The following CYSTM1 variants were observed in gnomAD, a reference collection of about 807,000 sequenced individuals.
The protein encoded by CYSTM1 is cysteine rich transmembrane module containing 1.
Under a neutral mutation model 13.1 loss-of-function variants are expected in CYSTM1, and 4 were observed. That is an observed-to-expected ratio of 0.31 (90% CI 0.15 to 0.70). The LOEUF is 0.70. Ranked by LOEUF, CYSTM1 falls within the 30% of genes least tolerant of loss-of-function variation. The pLI, the probability that CYSTM1 is intolerant of heterozygous loss-of-function variation, is 0.72. For synonymous variants in CYSTM1, 36 were observed against 42.7 expected (o/e 0.84, Z 0.62); for missense variants, 96 against 121.6 (o/e 0.79, Z 0.99).
intron 2 of CYSTM1, among the ~76,000 whole-genome samples, 161 bp downstream of exon 2, chr5:140,194,813 G>T (rs575834236): frequency 6.6e-6 from 1 of 152,350 alleles, no homozygotes; most frequent in African/African-American, 2.4e-5. Context: ...CTCCTGAGAA[G>T]AGGCCCAAGT....
In CYSTM1 at chr5:140,216,483, C is replaced by T. The variant is rs556472832; in HGVS notation, c.187+21831C>T. Among the ~76,000 whole-genome samples, 3 of 152,238 alleles carry T rather than the reference C, an allele frequency of 2.0e-5. No homozygotes were observed. The East Asian group carries it at 5.8e-4, about 29-fold the overall frequency. On this transcript the variant is annotated intron_variant, in intron 2 of 2. Coordinates refer to ENST00000261811, the MANE Select transcript of CYSTM1 (RefSeq NM_032412.4). The stretch of plus-strand genomic sequence containing the variant: ...GGCAGTTTGGCAGGGGATGGGGGTC[C>T]GTGGAGACAGACCCATTGAGCAGAT...
rs1477220543 is a variant in CYSTM1, at chr5:140,230,468, G to A, written c.188-12837G>A. On this transcript the variant is annotated intron_variant, in intron 2 of 2. Transcript: ENST00000261811. This position sits in a 1 kb window ranked among gnomAD's most constrained non-coding sequence, Gnocchi z 4.1. ...GTGGATTCCAGGATGAGAGATGGTTGATGGAAGGAAAGAAGAGGTTTGGAA... is the reference window on the plus strand; with the variant it reads ...GTGGATTCCAGGATGAGAGATGGTTAATGGAAGGAAAGAAGAGGTTTGGAA... Among the ~76,000 whole-genome samples, 1 of 152,224 alleles carries A rather than the reference G, an allele frequency of 6.6e-6. No homozygotes were observed. The highest frequency in any genetic ancestry group is 1.5e-5 in the Non-Finnish European group (1 of 68,038).
chr5:140,190,248 C>T (rs973871000), intron 1 of CYSTM1, among the ~76,000 whole-genome samples: 1 of 151,986 alleles, frequency 6.6e-6, no homozygotes, highest in Non-Finnish European at 1.5e-5. Flanking sequence ...GCAAAAAAAA[C>T]CCTTATTTTT....
chr5:140,195,541 A>G lies in CYSTM1; in HGVS notation c.187+889A>G, dbSNP rs1033193605. ...ACTGCAAGCTCCGCCTCCTGGGTTC[A>G]CGCCGTTCTCCTGCCTCAGCCTCCT... On this transcript the variant is annotated intron_variant, in intron 2 of 2. Coordinates refer to ENST00000261811, the MANE Select transcript of CYSTM1 (RefSeq NM_032412.4). Among the ~76,000 whole-genome samples, 29 of 146,806 alleles carry G rather than the reference A, an allele frequency of 2.0e-4. 1 individual carries two copies. In the Admixed American group the frequency reaches 2.0e-3, roughly 10 times the overall value.
intron 2 of CYSTM1, among the ~76,000 whole-genome samples, chr5:140,235,605 C>T (rs1278456271): frequency 1.3e-5 from 2 of 151,918 alleles, no homozygotes; most frequent in Admixed American, 6.6e-5. Flanking sequence ...CGAGGCTTCA[C>T]GGTGTTAGCC....
At position 140,230,553 on chromosome 5, in the gene CYSTM1, C is replaced by T. The variant is rs1001624155; in HGVS notation, c.188-12752C>T. On this transcript the variant is annotated intron_variant, in intron 2 of 2. Transcript: ENST00000261811. The surrounding 1 kb of genome is among the most constrained non-coding windows in gnomAD (Gnocchi z 4.1). ...ACCTCTTGGATCCCATGTGCAAATT[C>T]AGGGGAGGGGTTAGCATGAAACATG... is the stretch of plus-strand genomic sequence containing the variant. 1.3e-5 allele frequency among the ~76,000 whole-genome samples: 2 copies of T among 152,156 alleles called. No homozygotes were observed. The highest frequency in any genetic ancestry group is 2.9e-5 in the Non-Finnish European group (2 of 68,028).
intron 1 of CYSTM1, among the ~76,000 whole-genome samples, chr5:140,183,577 A>C (rs1031421325): frequency 1.3e-5 from 2 of 152,238 alleles, no homozygotes; most frequent in African/African-American, 4.8e-5. Context: ...TACTGACCAG[A>C]GTCCCTGAAC....
chr5:140,210,657 A>G (rs1290276373), intron 2 of CYSTM1, among the ~76,000 whole-genome samples: 2 of 152,014 alleles, frequency 1.3e-5, no homozygotes, highest in African/African-American at 4.8e-5. Flanking sequence ...GACCACAGGT[A>G]TGCACCACGA....
chr5:140,182,321 G>A (rs34386219), intron 1 of CYSTM1, among the ~76,000 whole-genome samples: 35,079 of 151,938 alleles, frequency 0.23, 4,086 homozygotes, highest in African/African-American at 0.25. Flanking sequence ...CTTCAGAGAG[G>A]GCCCCTTCAA....
intron 2 of CYSTM1, among the ~76,000 whole-genome samples, chr5:140,233,716 G>A (rs912206957): frequency 6.6e-6 from 1 of 152,132 alleles, no homozygotes; most frequent in Non-Finnish European, 1.5e-5. Flanking sequence ...TTTAATTTGT[G>A]TTTTCCTAAT....
intron 2 of CYSTM1, among the ~76,000 whole-genome samples, chr5:140,232,587 TAC>T (rs1764630000): frequency 6.6e-6 from 1 of 152,214 alleles, no homozygotes; most frequent in Non-Finnish European, 1.5e-5. Context: ...CAAAAGTGTC[TAC>T]ACTGTTTTCA....
chr5:140,202,713 A>G (rs1764247750), intron 2 of CYSTM1: 1 of 152,238 alleles, frequency 6.6e-6, no homozygotes, highest in South Asian at 2.1e-4. Flanking sequence ...CAGAGAAAGA[A>G]GCCATTTGGT....
At chr5:140,183,698 G>A (rs1476427918) in intron 1 of CYSTM1, among the ~76,000 whole-genome samples, 1 of 152,238 alleles carries the variant, frequency 6.6e-6, no homozygotes, top group East Asian at 1.9e-4. Flanking sequence ...CATTAGACAA[G>A]GGGCTGAGGC....
chr5:140,183,881 A>T (rs1561808092), intron 1 of CYSTM1, among the ~76,000 whole-genome samples: 1 of 152,218 alleles, frequency 6.6e-6, no homozygotes, highest in Non-Finnish European at 1.5e-5. Flanking sequence ...CCTGCCCTGA[A>T]GCTAGGTTTT....
At chr5:140,218,920 C>A (rs1458827102) in intron 2 of CYSTM1, among the ~76,000 whole-genome samples, 2 of 152,134 alleles carry the variant, frequency 1.3e-5, no homozygotes, top group African/African-American at 2.4e-5. Flanking sequence ...TTGGAGGGTC[C>A]CTACATACCT....
In CYSTM1 at chr5:140,194,601, T is replaced by G. The variant is rs1255969389; in HGVS notation, c.136T>G (p.Tyr46Asp). 4 of 1,613,436 alleles carry G rather than the reference T, an allele frequency of 2.5e-6. No individual in the cohort carries two copies. The highest frequency in any genetic ancestry group is 3.4e-6 in the Non-Finnish European group (4 of 1,179,708). ...PPPQGYPYQGYPQYGWQGGPQ... is the reference protein window; with the variant it reads ...PPPQGYPYQGDPQYGWQGGPQ... ...TCCTCAAGGGTACCCCTACCAAGGA[T>G]ACCCACAGTACGGCTGGCAGGGTGG... is the stretch of plus-strand genomic sequence containing the variant. The change falls in exon 2 of 3, where the codon TAC becomes GAC. Residue 46 changes from tyrosine (Y) to aspartate (D), a missense_variant. Tyr to Asp is a radical substitution (Grantham distance 160). Coordinates refer to ENST00000261811, the MANE Select transcript of CYSTM1 (RefSeq NM_032412.4).
At chr5:140,204,146 C>G (rs1330158066) in intron 2 of CYSTM1, among the ~76,000 whole-genome samples, 1 of 152,060 alleles carries the variant, frequency 6.6e-6, no homozygotes, top group Non-Finnish European at 1.5e-5. Flanking sequence ...ACAGGAGCAT[C>G]GCTTGAGGCC....
At chr5:140,233,407 A>G (rs878954139) in intron 2 of CYSTM1, among the ~76,000 whole-genome samples, 2 of 152,184 alleles carry the variant, frequency 1.3e-5, no homozygotes, top group Admixed American at 1.3e-4. Context: ...TTGAAGGACC[A>G]TTTGGGTTGT....
At position 140,239,889 on chromosome 5, in the gene CYSTM1, C is replaced by A. The variant is rs1441261566; in HGVS notation, c.188-3416C>A. Among the ~76,000 whole-genome samples, 5 of 152,200 alleles carry A rather than the reference C, an allele frequency of 3.3e-5. No homozygotes were observed. Among genetic ancestry groups the A allele is most frequent in the African/African-American group, 9.6e-5 (4 of 41,460 alleles). On this transcript the variant is annotated intron_variant, in intron 2 of 2. Transcript: ENST00000261811. This position sits in a 1 kb window ranked among gnomAD's most constrained non-coding sequence, Gnocchi z 5.4. ...TGTAGTCCCCTAGGAATAGTCCCTT[C>A]TTCTCTGGGGCCGGTTGAATAGGGT...
Sources: gnomAD v4.1 joint callset for allele counts (sites outside exome capture counted in the v4.1 genomes callset) on GRCh38, gnomAD v4.1.1 for gene constraint, Gnocchi (gnomAD v3.1) non-coding constraint, MANE v1.5 for transcripts, NCBI Gene and HGNC (gene_info 2026-07-23, HGNC 2026-07-21) for gene names.